Variants in MAP2K1 observed in about 807,000 individuals in gnomAD.
MAP2K1 encodes mitogen-activated protein kinase kinase 1, also known as dual specificity mitogen-activated protein kinase kinase 1.
MAP2K1 carries 16 observed loss-of-function variants against 46.3 expected under a neutral mutation model. The observed-to-expected ratio is 0.35, with a 90% confidence interval of 0.23 to 0.52. MAP2K1 has a LOEUF of 0.52. Ranked by LOEUF, MAP2K1 falls within the 20% of genes least tolerant of loss-of-function variation. The pLI is 0.94. For missense variants in MAP2K1, 263 were observed against 497.1 expected, an observed-to-expected ratio of 0.53 and a Z score of 4.48; for synonymous variants, 183 against 185.6, an observed-to-expected ratio of 0.99 and a Z score of 0.11.
chr15:66,490,017 C>A (rs1595889009), intron 10 of MAP2K1: 1 of 587,430 alleles, frequency 1.7e-6, no homozygotes, highest in African/African-American at 1.9e-5. Context: ...AAAGAAAAGG[C>A]CAGCCCACCC....
chr15:66,474,902 CA>C (rs34111868), intron 5 of MAP2K1, among the ~76,000 whole-genome samples: 82,663 of 140,452 alleles, frequency 0.59, 23,353 homozygotes, highest in South Asian at 0.69. Flanking sequence ...AGACTTGTCT[CA>C]AAAAAAAAAA....
chr15:66,411,101 T>G (rs960854616), intron 1 of MAP2K1, among the ~76,000 whole-genome samples: 3 of 152,164 alleles, frequency 2.0e-5, no homozygotes, highest in Non-Finnish European at 4.4e-5. Context: ...GGTTTCTTTT[T>G]TTTTTTGGTC....
At chr15:66,436,950 C>T (rs2093489857) in intron 3 of MAP2K1, 58 bp downstream of exon 3, 2 of 1,596,124 alleles carry the variant, frequency 1.3e-6, no homozygotes, top group African/African-American at 1.3e-5. Context: ...GTGGCTCTGG[C>T]CTAATCTTTG....
chr15:66,490,799 CTAT>C lies in MAP2K1; in HGVS notation c.*189_*191del, dbSNP rs1287945864. ...AATATTACTGTCTTTATTCTTATTACTATTATTGTTCCCCTAAGTGGATTGGCT... is the reference window on the plus strand; with the variant it reads ...AATATTACTGTCTTTATTCTTATTACTATTGTTCCCCTAAGTGGATTGGCT... On this transcript the variant is annotated 3_prime_UTR_variant, in exon 11 of 11. Coordinates refer to ENST00000307102, the MANE Select transcript of MAP2K1 (RefSeq NM_002755.4). The C allele has an allele frequency of 2.9e-6, 2 of 681,372 alleles. No homozygotes were observed. The highest frequency in any genetic ancestry group is 5.5e-5 in the East Asian group (2 of 36,518). 42.2% of individuals were successfully genotyped at this position (681,372 alleles called of 1,614,324 possible).
At chr15:66,396,530 AAGGTGC>A (rs773092358) in intron 1 of MAP2K1, among the ~76,000 whole-genome samples, 38 of 152,122 alleles carry the variant, frequency 2.5e-4, no homozygotes, top group Admixed American at 5.9e-4. Context: ...TCAGCCCCAC[AAGGTGC>A]TGGGATTACA....
intron 1 of MAP2K1, among the ~76,000 whole-genome samples, chr15:66,421,342 C>G (rs1238384173): frequency 1.3e-5 from 2 of 151,908 alleles, no homozygotes; most frequent in East Asian, 3.9e-4. Flanking sequence ...TGCCATGTTG[C>G]CCAGGCTGGT....
chr15:66,414,796 T>TC lies in MAP2K1; in HGVS notation c.81-20226dup, dbSNP rs540311027. Reference sequence around the variant, plus strand: ...CATCCTGTGTCTTTTTTTTTTTTTTTCCCCCAGTCATCTTTTATTTGGAGG... The same window carrying TC: ...CATCCTGTGTCTTTTTTTTTTTTTTTCCCCCCAGTCATCTTTTATTTGGAGG... On this transcript the variant is annotated intron_variant, in intron 1 of 10. Coordinates refer to ENST00000307102, the MANE Select transcript of MAP2K1 (RefSeq NM_002755.4). The TC allele has an allele frequency of 2.0e-3, 448 of 219,690 alleles. 1 individual carries two copies. Among genetic ancestry groups the TC allele is most frequent in the Non-Finnish European group, 2.7e-3 (297 of 109,288 alleles). The allele number at this position is 219,690 out of a possible 1,614,324, so 13.6% of individuals were successfully genotyped here.
intron 5 of MAP2K1, among the ~76,000 whole-genome samples, chr15:66,464,068 G>T (rs1467943012): frequency 6.6e-6 from 1 of 152,092 alleles, no homozygotes; most frequent in African/African-American, 2.4e-5. Flanking sequence ...AGTGATTTTT[G>T]GGGGCCCCAA....
intron 1 of MAP2K1, 65 bp downstream of exon 1, chr15:66,387,492 G>A (rs1595831383): frequency 6.8e-7 from 1 of 1,474,404 alleles, no homozygotes; most frequent in Non-Finnish European, 9.3e-7. Flanking sequence ...GGGAGCAGGA[G>A]CGCGCGCCAG....
rs1201126583 is a variant in MAP2K1 at position 66,420,936 on chromosome 15, CAT to C, written c.81-14089_81-14088del. 3.2e-3 allele frequency among the ~76,000 whole-genome samples: 372 copies of C among 115,942 alleles called. 10 individuals carry two copies. The highest frequency in any genetic ancestry group is 0.01 in the African/African-American group (363 of 34,636). The allele number at this position is 115,942 out of a possible 152,430, so 76.1% of individuals were successfully genotyped here. A position where few individuals can be genotyped will look rare whatever the true frequency, so the allele number is the denominator to read the frequency against. ...ACACATACATACATATATATACACA[CAT>C]ACATATATACATACACATACATATA... On this transcript the variant is annotated intron_variant, in intron 1 of 10. Transcript: ENST00000307102.
rs1383902044 is a variant in MAP2K1, at chr15:66,487,412, G to T, written c.960+120G>T. On this transcript the variant is annotated intron_variant, in intron 8 of 10. Transcript: ENST00000307102. ...CCAGCAGTTTGGGAGGCTGAGGCGG[G>T]TGGATCACACGAGGTGAGGAGTTCG... 7.5e-6 allele frequency: 7 copies of T among 929,120 alleles called. No homozygotes were observed. The African/African-American group carries it at 8.1e-5, about 11-fold the overall frequency. 57.6% of individuals were successfully genotyped at this position (929,120 alleles called of 1,614,324 possible).
At chr15:66,448,977 C>G (rs1010770002) in intron 5 of MAP2K1, among the ~76,000 whole-genome samples, 1 of 130,438 alleles carries the variant, frequency 7.7e-6, no homozygotes, top group Non-Finnish European at 1.5e-5. Flanking sequence ...GCACTCTAGC[C>G]CAGGCAACAG....
intron 5 of MAP2K1, among the ~76,000 whole-genome samples, chr15:66,449,650 GT>G (rs1197085108): frequency 6.6e-6 from 1 of 152,200 alleles, no homozygotes; most frequent in Non-Finnish European, 1.5e-5. Context: ...GGAGGCCGAG[GT>G]GGGTGGATCA....
At chr15:66,407,011 C>T (rs1051857872) in intron 1 of MAP2K1, among the ~76,000 whole-genome samples, 1 of 151,044 alleles carries the variant, frequency 6.6e-6, no homozygotes, top group African/African-American at 2.4e-5. Context: ...CAAAACAAAA[C>T]AAAAAAAAAG....
At chr15:66,431,372 AT>A (rs2093474686) in intron 1 of MAP2K1, among the ~76,000 whole-genome samples, 1 of 152,190 alleles carries the variant, frequency 6.6e-6, no homozygotes, top group South Asian at 2.1e-4. Flanking sequence ...CATTATTGAT[AT>A]CTTTTTAATG....
At chr15:66,470,224 G>A (rs771491378) in intron 5 of MAP2K1, among the ~76,000 whole-genome samples, 3 of 148,750 alleles carry the variant, frequency 2.0e-5, no homozygotes, top group Non-Finnish European at 3.0e-5. Context: ...GAAAAAGACC[G>A]AAACAACAAC....
At position 66,387,286 on chromosome 15, in the gene MAP2K1, C is replaced by A; in HGVS notation, c.-62C>A. On this transcript the variant is annotated 5_prime_UTR_variant, in exon 1 of 11. Transcript: ENST00000307102. ...GCGCAGCGGGCGCGGGGCAGCGCAG[C>A]GGGAGGAAGCGAGAGGTGCTGCCCT... 1 of 1,386,144 alleles carries A rather than the reference C, an allele frequency of 7.2e-7. No homozygotes were observed. The highest frequency in any genetic ancestry group is 1.0e-6 in the Non-Finnish European group (1 of 998,482). The allele number at this position is 1,386,144 out of a possible 1,614,324, so 85.9% of individuals were successfully genotyped here. A position where few individuals can be genotyped will look rare whatever the true frequency, so the allele number is the denominator to read the frequency against.
intron 5 of MAP2K1, among the ~76,000 whole-genome samples, chr15:66,466,284 G>A (rs1029491489): frequency 3.3e-5 from 5 of 152,322 alleles, no homozygotes; most frequent in Middle Eastern, 3.4e-3. Context: ...CTATATTGCC[G>A]TAAGTTAAGA....
intron 5 of MAP2K1, among the ~76,000 whole-genome samples, chr15:66,464,650 T>C (rs60927862): frequency 0.31 from 46,522 of 151,726 alleles, 7,572 homozygotes; most frequent in Admixed American, 0.39. Context: ...TCAGCCATCC[T>C]GAGTAGCTGG....
Sources: gnomAD v4.1 joint callset for allele counts (sites outside exome capture counted in the v4.1 genomes callset) on GRCh38, gnomAD v4.1.1 for gene constraint, MANE v1.5 for transcripts, NCBI Gene and HGNC (gene_info 2026-07-23, HGNC 2026-07-21) for gene names.